The following CDH22 variants were observed in gnomAD, a reference collection of about 807,000 sequenced individuals.
CDH22 encodes the protein cadherin-22.
A neutral mutation model predicts 58.4 loss-of-function variants in CDH22; 30 were observed. The observed-to-expected ratio is 0.51, with a 90% CI of 0.38 to 0.70. The LOEUF is 0.70. Ranked by LOEUF, CDH22 falls within the 30% of genes least tolerant of loss-of-function variation. CDH22 has a pLI of 0.00. For missense variants in CDH22, 1,014 were observed against 1,233.9 expected, an observed-to-expected ratio of 0.82 and a Z score of 2.67; for synonymous variants, 513 against 558.2, an observed-to-expected ratio of 0.92 and a Z score of 1.14.
intron 2 of CDH22, among the ~76,000 whole-genome samples, chr20:46,248,013 G>C: frequency 6.6e-6 from 1 of 152,202 alleles, no homozygotes; most frequent in East Asian, 1.9e-4. Flanking sequence ...CCTGGCAGCT[G>C]CTTAATATGA....
intron 1 of CDH22, among the ~76,000 whole-genome samples, chr20:46,256,138 T>C (rs1381458144): frequency 1.3e-5 from 2 of 152,196 alleles, no homozygotes; most frequent in Non-Finnish European, 2.9e-5. Flanking sequence ...ATTCCTTCAT[T>C]TCACAAATAT....
intron 1 of CDH22, among the ~76,000 whole-genome samples, chr20:46,257,780 G>C (rs2086413649): frequency 6.6e-6 from 1 of 152,196 alleles, no homozygotes; most frequent in African/African-American, 2.4e-5. Context: ...AGCTGAGACT[G>C]GGTGAGAGCA....
chr20:46,275,191 CT>C (rs1254772281), intron 1 of CDH22, among the ~76,000 whole-genome samples: 1 of 152,208 alleles, frequency 6.6e-6, no homozygotes, highest in Non-Finnish European at 1.5e-5. Flanking sequence ...CCTGTGGCCC[CT>C]CTCACCCTGT....
intron 1 of CDH22, among the ~76,000 whole-genome samples, chr20:46,297,606 G>A (rs541703590): frequency 1.3e-5 from 2 of 151,882 alleles, no homozygotes; most frequent in Admixed American, 6.5e-5. Flanking sequence ...CTCAGCTGCA[G>A]GGCTGGGGTT....
intron 11 of CDH22, 99 bp from the exon 12 acceptor site, chr20:46,175,176 C>T (rs888944237): frequency 8.4e-5 from 98 of 1,167,834 alleles, no homozygotes; most frequent in Non-Finnish European, 1.1e-4. Flanking sequence ...CCCAGCAGAG[C>T]GGGCCCAGCC....
intron 3 of CDH22, among the ~76,000 whole-genome samples, chr20:46,236,939 G>A (rs987069784): frequency 6.6e-6 from 1 of 152,062 alleles, no homozygotes; most frequent in African/African-American, 2.4e-5. Context: ...GCAATTCACC[G>A]GCCTTGGCCT....
intron 1 of CDH22, among the ~76,000 whole-genome samples, chr20:46,284,855 T>C (rs999666717): frequency 6.6e-6 from 1 of 152,152 alleles, no homozygotes; most frequent in Admixed American, 6.5e-5. Flanking sequence ...CCTGCCGAGA[T>C]AGTGCAGCTT....
intron 1 of CDH22, among the ~76,000 whole-genome samples, chr20:46,301,627 AC>A (rs1256097712): frequency 9.2e-5 from 14 of 151,988 alleles, no homozygotes; most frequent in African/African-American, 3.4e-4. Context: ...CCTGGCCAAC[AC>A]GGTGAAACTC....
chr20:46,248,956 T>G (rs1180508209), intron 2 of CDH22, among the ~76,000 whole-genome samples: 1 of 152,228 alleles, frequency 6.6e-6, no homozygotes, highest in Non-Finnish European at 1.5e-5. Flanking sequence ...GAATGATGAT[T>G]TCTACCTTGC....
chr20:46,181,247 C>A (rs933051418), intron 10 of CDH22, among the ~76,000 whole-genome samples: 12 of 152,082 alleles, frequency 7.9e-5, no homozygotes, highest in Admixed American at 2.6e-4. Context: ...CAATTACAAA[C>A]CATGGTGAGT....
In CDH22 at chr20:46,300,638, A is replaced by T. The variant is rs2145785258; in HGVS notation, c.-400+7617T>A. Among the ~76,000 whole-genome samples, 1 of 152,286 alleles carries T rather than the reference A, an allele frequency of 6.6e-6. No individual in the cohort carries two copies. Among genetic ancestry groups the T allele is most frequent in the African/African-American group, 2.4e-5 (1 of 41,544 alleles). The stretch of plus-strand genomic sequence containing the variant: ...TCGCAGAGGGGTCTGTGGTGTTAAC[A>T]TCTGGACCAACTTTCCAGAGGCCAA... On this transcript the variant is annotated intron_variant, in intron 1 of 11. Coordinates refer to ENST00000537909, the MANE Select transcript of CDH22 (RefSeq NM_021248.3). This position sits in a 1 kb window ranked among gnomAD's most constrained non-coding sequence, Gnocchi z 4.4.
chr20:46,273,135 C>T (rs1455274142), intron 1 of CDH22, among the ~76,000 whole-genome samples: 1 of 152,126 alleles, frequency 6.6e-6, no homozygotes, highest in Non-Finnish European at 1.5e-5. Context: ...ACCTGATTTT[C>T]CACCTTGTTC....
chr20:46,265,214 G>C lies in CDH22; in HGVS notation c.-399-13521C>G, dbSNP rs191069064. ...AATATTTATTCCATTTTACAAACGC[G>C]TCCGGATGGGGGCAGGGCCCTGCCA... On this transcript the variant is annotated intron_variant, in intron 1 of 11. Coordinates refer to ENST00000537909, the MANE Select transcript of CDH22 (RefSeq NM_021248.3). Among the ~76,000 whole-genome samples, 5 of 152,118 alleles carry C rather than the reference G, an allele frequency of 3.3e-5. No homozygotes were observed. In the East Asian group the frequency reaches 9.7e-4, roughly 29 times the overall value.
At chr20:46,265,828 C>T (rs1190881257) in intron 1 of CDH22, among the ~76,000 whole-genome samples, 2 of 151,912 alleles carry the variant, frequency 1.3e-5, no homozygotes, top group African/African-American at 2.4e-5. Context: ...CCTTCCCTTC[C>T]ACCTTCTTCT....
At chr20:46,292,795 A>T (rs1182139716) in intron 1 of CDH22, among the ~76,000 whole-genome samples, 1 of 152,190 alleles carries the variant, frequency 6.6e-6, no homozygotes, top group Non-Finnish European at 1.5e-5. Context: ...AGAACTATTC[A>T]TCTTTTTAAG....
At chr20:46,183,629 A>G (rs2085803730) in intron 10 of CDH22, among the ~76,000 whole-genome samples, 1 of 152,002 alleles carries the variant, frequency 6.6e-6, no homozygotes, top group Non-Finnish European at 1.5e-5. Context: ...ATGGGTTTTC[A>G]CTGTGTTGTC....
intron 2 of CDH22, among the ~76,000 whole-genome samples, chr20:46,245,126 C>G (rs2086319064): frequency 6.6e-6 from 1 of 152,146 alleles, no homozygotes; most frequent in Admixed American, 6.5e-5. Context: ...CTCTCCTTTT[C>G]CTGTCCCAAT....
chr20:46,175,101 A>G (rs774306382), intron 11 of CDH22, 24 bp from the exon 12 acceptor site: 3 of 1,565,286 alleles, frequency 1.9e-6, no homozygotes, highest in Non-Finnish European at 2.6e-6. Flanking sequence ...AGAGGGGGCA[A>G]CTGAGGGCCA....
chr20:46,187,055 T>C lies in CDH22; in HGVS notation c.1424-108A>G, dbSNP rs2085831808. ...AGGCAGTGGGGTCATGCTGAGAAAT[T>C]TGTGGGTTAACCAAGCTGGTACAAG... On this transcript the variant is annotated intron_variant, in intron 8 of 11. Transcript: ENST00000537909. 4.8e-6 allele frequency: 6 copies of C among 1,248,658 alleles called. No homozygotes were observed. The African/African-American group carries it at 6.0e-5, about 13-fold the overall frequency. 77.3% of individuals were successfully genotyped at this position (1,248,658 alleles called of 1,614,324 possible).
Sources: gnomAD v4.1 joint callset for allele counts (sites outside exome capture counted in the v4.1 genomes callset) on GRCh38, gnomAD v4.1.1 for gene constraint, Gnocchi (gnomAD v3.1) non-coding constraint, MANE v1.5 for transcripts, NCBI Gene and HGNC (gene_info 2026-07-23, HGNC 2026-07-21) for gene names.